The following CAB39L variants were observed in gnomAD, a reference collection of about 807,000 sequenced individuals.
The protein encoded by CAB39L is calcium-binding protein 39-like.
In CAB39L, 23 loss-of-function variants were observed where a neutral mutation model predicts 39.1. That is an observed-to-expected ratio of 0.59 (90% CI 0.42 to 0.83). The LOEUF (loss-of-function observed/expected upper bound fraction) is 0.83, where lower values mean the gene tolerates loss of function less well. CAB39L is among the 40% of genes least tolerant of loss of function. The pLI, the probability that CAB39L is intolerant of heterozygous loss-of-function variation, is 0.00. For missense variants in CAB39L, 366 were observed against 391.9 expected (o/e 0.93, Z 0.56); for synonymous variants, 126 against 137.2 (o/e 0.92, Z 0.57).
intron 3 of CAB39L, among the ~76,000 whole-genome samples, chr13:49,407,589 A>G (rs1294309043): frequency 6.6e-6 from 1 of 152,200 alleles, no homozygotes; most frequent in Non-Finnish European, 1.5e-5. Flanking sequence ...ACACAAATAC[A>G]TAATTATATG....
intron 3 of CAB39L, among the ~76,000 whole-genome samples, chr13:49,420,735 A>G (rs151133893): frequency 3.7e-3 from 562 of 152,354 alleles, no homozygotes; most frequent in African/African-American, 0.013. Flanking sequence ...ATTCTAGAAC[A>G]CCCATTATTC....
At chr13:49,425,447 A>G (rs1957230829) in intron 3 of CAB39L, among the ~76,000 whole-genome samples, 1 of 152,210 alleles carries the variant, frequency 6.6e-6, no homozygotes, top group South Asian at 2.1e-4. Context: ...ACACGTATAT[A>G]GAGATGAGTA....
chr13:49,389,688 G>C (rs1956445875), intron 3 of CAB39L, among the ~76,000 whole-genome samples: 1 of 152,138 alleles, frequency 6.6e-6, no homozygotes, highest in African/African-American at 2.4e-5. Context: ...AGACAAAAGA[G>C]AAAATGGCTA....
At chr13:49,364,451 A>C (rs1955718768) in intron 5 of CAB39L, among the ~76,000 whole-genome samples, 1 of 152,232 alleles carries the variant, frequency 6.6e-6, no homozygotes, top group South Asian at 2.1e-4. Context: ...GAGCAATCAA[A>C]CAAGAGAATG....
At chr13:49,337,929 T>C (rs532075024) in intron 9 of CAB39L, among the ~76,000 whole-genome samples, 15 of 152,344 alleles carry the variant, frequency 9.8e-5, no homozygotes, top group South Asian at 4.1e-4. Flanking sequence ...TTGGCTGTCA[T>C]CATATGTCTG....
chr13:49,438,548 T>C (rs1316448798), intron 1 of CAB39L, among the ~76,000 whole-genome samples: 2 of 152,226 alleles, frequency 1.3e-5, no homozygotes, highest in Non-Finnish European at 2.9e-5. Flanking sequence ...TGTTTGTCAA[T>C]GCCCTGAATT....
At chr13:49,355,170 G>A (rs1955451493) in intron 6 of CAB39L, among the ~76,000 whole-genome samples, 1 of 150,626 alleles carries the variant, frequency 6.6e-6, no homozygotes, top group African/African-American at 2.4e-5. Flanking sequence ...GAGCCCAGGA[G>A]TTTGAAACCA....
At chr13:49,315,268 C>T (rs1157257317) in intron 10 of CAB39L, among the ~76,000 whole-genome samples, 1 of 152,150 alleles carries the variant, frequency 6.6e-6, no homozygotes, top group African/African-American at 2.4e-5. Flanking sequence ...GAGACAGTCT[C>T]TTGGCAGCCC....
intron 1 of CAB39L, among the ~76,000 whole-genome samples, chr13:49,437,789 C>T (rs974801897): frequency 1.2e-4 from 18 of 152,208 alleles, no homozygotes; most frequent in African/African-American, 3.9e-4. Context: ...CCTTCAGAAG[C>T]GAAATTTAAG....
chr13:49,385,291 A>G (rs1389440859), intron 3 of CAB39L, among the ~76,000 whole-genome samples: 1 of 152,212 alleles, frequency 6.6e-6, no homozygotes, highest in African/African-American at 2.4e-5. Flanking sequence ...TTTCTTCTGC[A>G]TCTTCCTTAC....
chr13:49,365,073 C>T (rs1447588822), intron 5 of CAB39L, among the ~76,000 whole-genome samples: 1 of 152,106 alleles, frequency 6.6e-6, no homozygotes, highest in Non-Finnish European at 1.5e-5. Flanking sequence ...GTAACCAAAA[C>T]AGCATGATAC....
chr13:49,370,687 T>C (rs1000521422), intron 5 of CAB39L, among the ~76,000 whole-genome samples: 1 of 152,198 alleles, frequency 6.6e-6, no homozygotes, highest in Non-Finnish European at 1.5e-5. Flanking sequence ...GCACAAGCAG[T>C]CTTCATCCTT....
intron 3 of CAB39L, among the ~76,000 whole-genome samples, chr13:49,402,040 A>T (rs1204766932): frequency 6.6e-6 from 1 of 152,232 alleles, no homozygotes; most frequent in Non-Finnish European, 1.5e-5. Flanking sequence ...ATTTGCAGTT[A>T]TAAAAGGGAA....
chr13:49,412,635 T>C (rs1054421315), intron 3 of CAB39L, among the ~76,000 whole-genome samples: 3 of 152,196 alleles, frequency 2.0e-5, no homozygotes, highest in Non-Finnish European at 4.4e-5. Context: ...TCAATTACGT[T>C]AAGCCAGCAG....
At chr13:49,316,687 G>A (rs1025420144) in intron 10 of CAB39L, among the ~76,000 whole-genome samples, 2 of 152,196 alleles carry the variant, frequency 1.3e-5, no homozygotes, top group Non-Finnish European at 2.9e-5. Context: ...ATCAATCAAT[G>A]TAACACATCA....
At chr13:49,352,162 T>C (rs974437282) in intron 6 of CAB39L, among the ~76,000 whole-genome samples, 1 of 151,872 alleles carries the variant, frequency 6.6e-6, no homozygotes. Flanking sequence ...GCAAAAAATA[T>C]GCTAGACAAA....
At chr13:49,346,120 T>TATATATATATATATATATATATC (rs10663110) in intron 7 of CAB39L, among the ~76,000 whole-genome samples, 2,307 of 88,292 alleles carry the variant, frequency 0.026, 258 homozygotes, top group Non-Finnish European at 0.034. Context: ...TATATATATA[T>TATATATATATATATATATATATC]ATATCATGGA....
chr13:49,349,283 C>T (rs1955271198), intron 7 of CAB39L, among the ~76,000 whole-genome samples: 1 of 151,468 alleles, frequency 6.6e-6, no homozygotes, highest in Non-Finnish European at 1.5e-5. Flanking sequence ...TATTGAAATA[C>T]ATATTTAAGG....
At chr13:49,418,047 G>T (rs1957113235) in intron 3 of CAB39L, among the ~76,000 whole-genome samples, 3 of 151,866 alleles carry the variant, frequency 2.0e-5, no homozygotes, top group Non-Finnish European at 4.4e-5. Flanking sequence ...CCCACTCCTA[G>T]GTTTATATCC....
Sources: allele counts gnomAD v4.1 joint callset (sites outside exome capture counted in the v4.1 genomes callset), GRCh38; gene constraint gnomAD v4.1.1; transcripts MANE v1.5; gene names NCBI Gene and HGNC (gene_info 2026-07-23, HGNC 2026-07-21).